PDE4D: variants seen among roughly 807,000 people sequenced by gnomAD.
PDE4D encodes phosphodiesterase 4D.
Under a neutral mutation model 87.4 loss-of-function variants are expected in PDE4D, and 24 were observed. The ratio of observed to expected loss-of-function variants is 0.27; its 90% CI spans 0.20 to 0.39. The LOEUF is 0.39. Among genes scored for constraint, PDE4D ranks in the 10% least tolerant of loss-of-function variants. The pLI is 1.00. For synonymous variants in PDE4D, 384 were observed against 383.2 expected (o/e 1.00, Z -0.02); for missense variants, 714 against 1,041.0 (o/e 0.69, Z 4.32).
At chr5:59,335,235 A>G (rs1777459378) in intron 1 of PDE4D, among the ~76,000 whole-genome samples, 2 of 152,234 alleles carry the variant, frequency 1.3e-5, no homozygotes, top group Admixed American at 6.5e-5. Context: ...TAGGTGCTCA[A>G]TAAATACTAG....
chr5:60,182,692 C>T (rs963793160), intron 2 of PDE4D, among the ~76,000 whole-genome samples: 1 of 152,084 alleles, frequency 6.6e-6, no homozygotes, highest in Non-Finnish European at 1.5e-5. Flanking sequence ...TCCTGGCTAA[C>T]ATGGTGAAAC....
In PDE4D at chr5:59,900,247, AAT is replaced by A. The variant is rs765217113; in HGVS notation, c.272+88239_272+88240del. Among the ~76,000 whole-genome samples the A allele has an allele frequency of 1.0e-3, 112 of 110,466 alleles. 1 individual carries two copies. In the East Asian group the frequency reaches 0.017, roughly 17 times the overall value. 72.5% of individuals were successfully genotyped at this position (110,466 alleles called of 152,430 possible). ...AGAGCAAGACTCCATATCAAAAAAA[AAT>A]ATATATATATATATACACACACACA... On this transcript the variant is annotated intron_variant, in intron 3 of 16. Transcript: ENST00000502484.
intron 2 of PDE4D, among the ~76,000 whole-genome samples, chr5:59,198,154 T>G (rs1026283085): frequency 6.6e-6 from 1 of 152,056 alleles, no homozygotes. Context: ...AAAACAATTA[T>G]AACAACAACA....
At chr5:59,485,873 T>C (rs903113746) in intron 1 of PDE4D, among the ~76,000 whole-genome samples, 1 of 152,144 alleles carries the variant, frequency 6.6e-6, no homozygotes, top group Non-Finnish European at 1.5e-5. Flanking sequence ...TAACTTACTA[T>C]GCCAGCTGCT....
At chr5:59,313,163 T>C (rs1467206826) in intron 1 of PDE4D, among the ~76,000 whole-genome samples, 1 of 152,118 alleles carries the variant, frequency 6.6e-6, no homozygotes. Context: ...GGTAGTGCTA[T>C]AAATATCCTT....
intron 1 of PDE4D, among the ~76,000 whole-genome samples, chr5:60,412,534 T>C (rs16878032): frequency 0.023 from 3,475 of 152,254 alleles, 120 homozygotes; most frequent in African/African-American, 0.08. Flanking sequence ...GAACTTTTTC[T>C]CAAATCATCC....
chr5:59,127,483 T>TG (rs1775579707), intron 5 of PDE4D, among the ~76,000 whole-genome samples: 1 of 151,902 alleles, frequency 6.6e-6, no homozygotes, highest in Non-Finnish European at 1.5e-5. Context: ...GCAGTGTGTG[T>TG]GAGTGAGCGG....
intron 3 of PDE4D, among the ~76,000 whole-genome samples, chr5:59,970,991 A>T: frequency 6.6e-6 from 1 of 151,810 alleles, no homozygotes; most frequent in South Asian, 2.1e-4. Flanking sequence ...GATTAAGAAA[A>T]TGTGGCACAT....
At chr5:59,037,270 T>C (rs1995166) in intron 6 of PDE4D, among the ~76,000 whole-genome samples, 85,999 of 151,894 alleles carry the variant, frequency 0.57, 24,668 homozygotes, top group East Asian at 0.85. Context: ...ACCTTGAAAA[T>C]ATACACTAAT....
At chr5:60,458,536 A>G (rs556349765) in intron 1 of PDE4D, among the ~76,000 whole-genome samples, 1 of 152,128 alleles carries the variant, frequency 6.6e-6, no homozygotes, top group Non-Finnish European at 1.5e-5. Flanking sequence ...TTTTTTCAAG[A>G]CATAAGTCAG....
chr5:59,744,518 A>T (rs1172326887), intron 1 of PDE4D, among the ~76,000 whole-genome samples: 3 of 152,164 alleles, frequency 2.0e-5, no homozygotes, highest in Non-Finnish European at 2.9e-5. Context: ...CCTGACTTTG[A>T]TGTATCTAAA....
intron 1 of PDE4D, among the ~76,000 whole-genome samples, chr5:60,192,631 TTATAA>T (rs1380879899): frequency 3.9e-5 from 6 of 152,188 alleles, no homozygotes; most frequent in Non-Finnish European, 7.4e-5. Context: ...AAAGCTTGTG[TTATAA>T]TATTAAGTGA....
At chr5:59,565,288 C>A (rs2153693223) in intron 1 of PDE4D, among the ~76,000 whole-genome samples, 1 of 152,126 alleles carries the variant, frequency 6.6e-6, no homozygotes, top group East Asian at 1.9e-4. Flanking sequence ...GGAGGCTGAA[C>A]CAGGAGGATC....
chr5:59,805,075 G>A (rs975053855), intron 1 of PDE4D, among the ~76,000 whole-genome samples: 6 of 152,168 alleles, frequency 3.9e-5, no homozygotes, highest in African/African-American at 1.4e-4. Flanking sequence ...TTACAGGCAT[G>A]AGCCACCGTG....
At chr5:59,292,831 C>T (rs1159723643) in intron 1 of PDE4D, among the ~76,000 whole-genome samples, 3 of 152,018 alleles carry the variant, frequency 2.0e-5, no homozygotes, top group Non-Finnish European at 4.4e-5. Flanking sequence ...ACCACAGAAC[C>T]CTGGAGGTGG....
intron 1 of PDE4D, among the ~76,000 whole-genome samples, chr5:60,298,959 T>C (rs187851107): frequency 6.6e-6 from 1 of 152,328 alleles, no homozygotes; most frequent in East Asian, 1.9e-4. Context: ...GTTTCACTTA[T>C]TCTTTTGAGG....
intron 5 of PDE4D, among the ~76,000 whole-genome samples, chr5:59,173,502 G>A (rs1170809803): frequency 6.6e-6 from 1 of 152,102 alleles, no homozygotes; most frequent in African/African-American, 2.4e-5. Flanking sequence ...TTTTCAATGA[G>A]GATTTTTGTA....
chr5:59,134,988 GA>G (rs1197910037), intron 5 of PDE4D, among the ~76,000 whole-genome samples: 2 of 152,168 alleles, frequency 1.3e-5, no homozygotes, highest in Admixed American at 1.3e-4. Context: ...TAATAGCTAT[GA>G]AACCATGAGT....
At chr5:59,166,523 A>T (rs146932727) in intron 5 of PDE4D, 4 of 152,194 alleles carry the variant, frequency 2.6e-5, no homozygotes, top group African/African-American at 9.6e-5. Context: ...ACTGCCTAGA[A>T]TTCAGATTTT....
Sources: gnomAD v4.1 joint callset for allele counts (sites outside exome capture counted in the v4.1 genomes callset) on GRCh38, gnomAD v4.1.1 for gene constraint, MANE v1.5 for transcripts, NCBI Gene and HGNC (gene_info 2026-07-23, HGNC 2026-07-21) for gene names.